The following NELL2 variants were observed in gnomAD, a reference collection of about 807,000 sequenced individuals.
NELL2 encodes the protein protein kinase C-binding protein NELL2.
A neutral mutation model predicts 109.6 loss-of-function variants in NELL2; 41 were observed. The ratio of observed to expected loss-of-function variants is 0.37; its 90% CI spans 0.29 to 0.49. NELL2 has a LOEUF of 0.49. Ranked by LOEUF, NELL2 falls within the 20% of genes least tolerant of loss-of-function variation. The probability of loss-of-function intolerance (pLI) is 0.98; values close to 1 mark genes in which losing one functional copy is unlikely to be tolerated. For synonymous variants in NELL2, 355 were observed against 344.7 expected (o/e 1.03, Z -0.33); for missense variants, 900 against 1,008.3 (o/e 0.89, Z 1.45).
chr12:44,874,491 GCACAA>G (rs1218694633), intron 2 of NELL2, among the ~76,000 whole-genome samples: 6 of 152,074 alleles, frequency 3.9e-5, no homozygotes, highest in Admixed American at 3.9e-4. Flanking sequence ...GCTTCTGACT[GCACAA>G]CACATTTAAA....
intron 13 of NELL2, among the ~76,000 whole-genome samples, chr12:44,637,979 C>G (rs1219499526): frequency 1.3e-5 from 2 of 151,936 alleles, no homozygotes; most frequent in Admixed American, 6.6e-5. Context: ...CAGTATGGAC[C>G]AGGAATTCTT....
In NELL2 at chr12:44,867,989, G is replaced by A. The variant is rs369760779; in HGVS notation, c.184+7236C>T. Among the ~76,000 whole-genome samples the A allele has an allele frequency of 1.9e-3, 291 of 151,568 alleles. 1 individual carries two copies. Among genetic ancestry groups the A allele is most frequent in the Non-Finnish European group, 3.0e-3 (202 of 67,820 alleles). On this transcript the variant is annotated intron_variant, in intron 2 of 19. Transcript: ENST00000429094. ...ACAAAAATTAGCCGGGTGTAGTGACGGGTGCCTGTAATCTCAGCTACTTGG... is the reference window on the plus strand; with the variant it reads ...ACAAAAATTAGCCGGGTGTAGTGACAGGTGCCTGTAATCTCAGCTACTTGG...
chr12:44,614,983 T>C (rs1446910005), intron 13 of NELL2, among the ~76,000 whole-genome samples: 1 of 152,150 alleles, frequency 6.6e-6, no homozygotes, highest in East Asian at 1.9e-4. Context: ...CTTCAATATG[T>C]ATTTAGTTTT....
chr12:44,920,787 TTACAC>T, intron 1 of NELL2, among the ~76,000 whole-genome samples: 1 of 152,260 alleles, frequency 6.6e-6, no homozygotes, highest in African/African-American at 2.4e-5. Flanking sequence ...AGTCTTATAT[TTACAC>T]AGCAAGAGAG....
chr12:44,631,407 T>G (rs180702346), intron 13 of NELL2, among the ~76,000 whole-genome samples: 1 of 151,950 alleles, frequency 6.6e-6, no homozygotes, highest in Non-Finnish European at 1.5e-5. Flanking sequence ...CTAAATGCTA[T>G]AAAGAATACT....
intron 9 of NELL2, among the ~76,000 whole-genome samples, chr12:44,761,388 A>C (rs754139863): frequency 6.6e-6 from 1 of 152,142 alleles, no homozygotes; most frequent in Non-Finnish European, 1.5e-5. Flanking sequence ...CAAACAAACA[A>C]ACAAAATTAA....
intron 1 of NELL2, among the ~76,000 whole-genome samples, chr12:44,894,920 A>G (rs1255998667): frequency 6.6e-6 from 1 of 152,244 alleles, no homozygotes; most frequent in African/African-American, 2.4e-5. Flanking sequence ...TTGTAGAAAG[A>G]CCAAGAGTTT....
chr12:44,514,961 C>T lies in NELL2; in HGVS notation c.2400+5044G>A, dbSNP rs556602921. 1.7e-4 allele frequency among the ~76,000 whole-genome samples: 25 copies of T among 150,318 alleles called. No homozygotes were observed. The South Asian group carries it at 4.4e-3, about 26-fold the overall frequency. On this transcript the variant is annotated intron_variant, in intron 19 of 19. Coordinates refer to ENST00000429094, the MANE Select transcript of NELL2 (RefSeq NM_001145108.2). ...TAAGTTAATGATATATATTATAATC[C>T]GTAGGACAACAAATACAATAATAAT...
chr12:44,875,343 A>G lies in NELL2; in HGVS notation c.66T>C (p.Leu22=), dbSNP rs775490619. The G allele has an allele frequency of 1.9e-6, 3 of 1,614,136 alleles. No individual in the cohort carries two copies. The highest frequency in any genetic ancestry group is 2.2e-5 in the East Asian group (1 of 44,868). The change falls in exon 2 of 20, where the codon CTT becomes CTC. Residue 22 remains leucine (L), a synonymous_variant. Coordinates refer to ENST00000429094, the MANE Select transcript of NELL2 (RefSeq NM_001145108.2). ...LIFGLGAVWG[L]GVDPSLQIDV... ...CAATCTGTAGGGAAGGGTCCACACCAAGCCCCCAAACTGGTGAGGGGTATG... is the reference window on the plus strand; with the variant it reads ...CAATCTGTAGGGAAGGGTCCACACCGAGCCCCCAAACTGGTGAGGGGTATG...
intron 9 of NELL2, among the ~76,000 whole-genome samples, chr12:44,739,439 A>T (rs189525782): frequency 6.6e-6 from 1 of 152,328 alleles, no homozygotes; most frequent in East Asian, 1.9e-4. Flanking sequence ...TCAGTGGTTG[A>T]CAAACTATGA....
rs1318514629 is a variant in NELL2, at chr12:44,654,201, A to G, written c.1444+11283T>C. The stretch of plus-strand genomic sequence containing the variant: ...CTATTCCCATCTATTAAATTGGACA[A>G]TAACCTTACCATGTACCTATATGAA... On this transcript the variant is annotated intron_variant, in intron 13 of 19. Coordinates refer to ENST00000429094, the MANE Select transcript of NELL2 (RefSeq NM_001145108.2). 2.0e-5 allele frequency among the ~76,000 whole-genome samples: 3 copies of G among 152,190 alleles called. No individual in the cohort carries two copies. In the East Asian group the frequency reaches 5.8e-4, roughly 29 times the overall value.
intron 12 of NELL2, among the ~76,000 whole-genome samples, chr12:44,670,744 G>GTATCTTCCTTACCTTAT (rs1269475032): frequency 4.8e-4 from 73 of 151,980 alleles, no homozygotes; most frequent in Middle Eastern, 3.4e-3. Flanking sequence ...AATTCAGTAG[G>GTATCTTCCTTACCTTAT]AAGATACAAC....
chr12:44,861,147 A>G (rs146144911), intron 2 of NELL2, among the ~76,000 whole-genome samples: 2 of 152,328 alleles, frequency 1.3e-5, no homozygotes, highest in East Asian at 3.9e-4. Flanking sequence ...TACTGAAGAG[A>G]GCAGTAAGGA....
chr12:44,687,045 G>A (rs1428316612), intron 12 of NELL2, among the ~76,000 whole-genome samples: 1 of 152,192 alleles, frequency 6.6e-6, no homozygotes, highest in East Asian at 1.9e-4. Flanking sequence ...TGCTATGCTA[G>A]CAATCAGCGA....
At chr12:44,517,945 T>C (rs1203446900) in intron 19 of NELL2, among the ~76,000 whole-genome samples, 3 of 152,164 alleles carry the variant, frequency 2.0e-5, no homozygotes, top group Non-Finnish European at 2.9e-5. Flanking sequence ...TGCTTACCTC[T>C]AATGCAATAC....
intron 2 of NELL2, among the ~76,000 whole-genome samples, chr12:44,851,257 C>A: frequency 6.6e-6 from 1 of 151,986 alleles, no homozygotes; most frequent in East Asian, 1.9e-4. Flanking sequence ...ACTCACCCAC[C>A]CACTGCCACC....
intron 9 of NELL2, among the ~76,000 whole-genome samples, chr12:44,749,858 G>A (rs1286833517): frequency 1.3e-5 from 2 of 152,062 alleles, no homozygotes; most frequent in East Asian, 1.9e-4. Context: ...TGTGCACTAC[G>A]TAAAACCTGT....
rs1941783551 is a variant in NELL2, at chr12:44,777,060, T to C, written c.744A>G (p.Leu248=). 6.2e-7 allele frequency: 1 copy of C among 1,613,912 alleles called. No homozygotes were observed. The part of the protein sequence containing the change: ...VQKIMELQDI[L]AKTSAKLSRA... Reference sequence around the variant, plus strand: ...CTTTTACCTTGGCTGATGTTTTGGCTAAAATATCCTGTAGCTCCATGATTT... The same window carrying C: ...CTTTTACCTTGGCTGATGTTTTGGCCAAAATATCCTGTAGCTCCATGATTT... Residue 248 remains leucine (L), a synonymous_variant, in exon 7 of 20, where the codon TTA becomes TTG. Coordinates refer to ENST00000429094, the MANE Select transcript of NELL2 (RefSeq NM_001145108.2).
rs186118404 is a variant in NELL2 at position 44,730,373 on chromosome 12, T to C, written c.995-15632A>G. Reference sequence around the variant, plus strand: ...AGGACATACAGAACATTCTCCAGGATAGACCACGTTATACTATAAAACAAG... The same window carrying C: ...AGGACATACAGAACATTCTCCAGGACAGACCACGTTATACTATAAAACAAG... On this transcript the variant is annotated intron_variant, in intron 9 of 19. Transcript: ENST00000429094. Among the ~76,000 whole-genome samples, 7 of 152,238 alleles carry C rather than the reference T, an allele frequency of 4.6e-5. 1 individual carries two copies. Among genetic ancestry groups the C allele is most frequent in the African/African-American group, 1.4e-4 (6 of 41,564 alleles).
Sources: allele counts gnomAD v4.1 joint callset (sites outside exome capture counted in the v4.1 genomes callset), GRCh38; gene constraint gnomAD v4.1.1; transcripts MANE v1.5; gene names NCBI Gene and HGNC (gene_info 2026-07-23, HGNC 2026-07-21).